WDHD1: variants seen among roughly 807,000 people sequenced by gnomAD.
WDHD1 encodes the protein WD repeat and HMG-box DNA-binding protein 1.
WDHD1 carries 111 observed loss-of-function variants against 135.4 expected under a neutral mutation model. The ratio of observed to expected loss-of-function variants is 0.82; its 90% CI spans 0.70 to 0.96. WDHD1 has a LOEUF of 0.96. Among genes scored for constraint, WDHD1 ranks in the 40% least tolerant of loss-of-function variants. The probability of loss-of-function intolerance (pLI) is 0.00; values close to 1 mark genes in which losing one functional copy is unlikely to be tolerated. For missense variants in WDHD1, 1,351 were observed against 1,336.3 expected (o/e 1.01, Z -0.17); for synonymous variants, 434 against 439.0 (o/e 0.99, Z 0.14).
Position 54,948,898 on chromosome 14 carries a change from A to G in WDHD1, c.3051-4428T>C, listed in dbSNP as rs184513629. ...CTGCTGATACCCAGGCAGAGTCTGG[A>G]GTGGGCCTCCAGCAAACTCCAACAG... On this transcript the variant is annotated intron_variant, in intron 24 of 25. Transcript: ENST00000360586. Among the ~76,000 whole-genome samples, 310 of 152,294 alleles carry G rather than the reference A, an allele frequency of 2.0e-3. 1 individual carries two copies. The highest frequency in any genetic ancestry group is 2.7e-3 in the Admixed American group (42 of 15,304).
At chr14:54,997,911 CA>C (rs769506329) in intron 10 of WDHD1, among the ~76,000 whole-genome samples, 122 of 104,174 alleles carry the variant, frequency 1.2e-3, no homozygotes, top group Admixed American at 9.9e-4. Context: ...AACTCCGTCT[CA>C]AAAAAAAAAA....
intron 15 of WDHD1, among the ~76,000 whole-genome samples, chr14:54,983,752 C>T (rs2041655009): frequency 1.3e-5 from 2 of 151,820 alleles, no homozygotes; most frequent in Non-Finnish European, 2.9e-5. Context: ...CTCCTGGGCT[C>T]AAGTGATCCT....
intron 24 of WDHD1, among the ~76,000 whole-genome samples, chr14:54,948,192 C>T (rs8019149): frequency 0.039 from 5,955 of 152,122 alleles, 402 homozygotes; most frequent in African/African-American, 0.14. Context: ...TAGGGCTTGT[C>T]GGACAGTGGG....
In WDHD1 at chr14:54,940,891, T is replaced by C. The variant is rs1362587655; in HGVS notation, c.*599A>G. 1 of 152,130 alleles carries C rather than the reference T, an allele frequency of 6.6e-6. No homozygotes were observed. The allele number at this position is 152,130 out of a possible 1,614,324, so 9.4% of individuals were successfully genotyped here. A position where few individuals can be genotyped will look rare whatever the true frequency, so the allele number is the denominator to read the frequency against. On this transcript the variant is annotated 3_prime_UTR_variant, in exon 26 of 26. Transcript: ENST00000360586. ...TATTAAGACCATATCAAGCCAAATA[T>C]ACAAATGAGAAAGTTTCATTTACCT...
At chr14:55,000,458 C>T in intron 10 of WDHD1, 45 bp downstream of exon 10, 1 of 1,520,166 alleles carries the variant, frequency 6.6e-7, no homozygotes, top group African/African-American at 1.4e-5. Context: ...TCCATATGAT[C>T]ACAGAAACAT....
At chr14:54,988,827 G>A (rs186346966) in intron 13 of WDHD1, among the ~76,000 whole-genome samples, 203 of 151,802 alleles carry the variant, frequency 1.3e-3, no homozygotes, top group Non-Finnish European at 3.4e-4. Flanking sequence ...TGTAGTTAGA[G>A]CATGTAATGA....
At chr14:55,003,531 A>G (rs2042011106) in intron 7 of WDHD1, among the ~76,000 whole-genome samples, 1 of 151,466 alleles carries the variant, frequency 6.6e-6, no homozygotes, top group South Asian at 2.1e-4. Flanking sequence ...AAGGAAAGAA[A>G]AAATAATTTT....
At chr14:54,975,784 G>A (rs75673309) in intron 16 of WDHD1, among the ~76,000 whole-genome samples, 3,353 of 152,046 alleles carry the variant, frequency 0.022, 106 homozygotes, top group East Asian at 0.16. Flanking sequence ...TCCTGCCCCT[G>A]TCTTTTAAGT....
chr14:54,948,709 C>A lies in WDHD1; in HGVS notation c.3051-4239G>T, dbSNP rs149863963. On this transcript the variant is annotated intron_variant, in intron 24 of 25. Coordinates refer to ENST00000360586, the MANE Select transcript of WDHD1 (RefSeq NM_007086.4). ...AATGGACAGACTGCCTCCTCAGTGA[C>A]AGGTGGGTCCATGATCCACAAGTAG... Among the ~76,000 whole-genome samples, 79 of 152,308 alleles carry A rather than the reference C, an allele frequency of 5.2e-4. 2 individuals are homozygous for A. The East Asian group carries it at 0.015, about 29-fold the overall frequency.
At chr14:55,024,879 G>A (rs1438283246) in intron 2 of WDHD1, among the ~76,000 whole-genome samples, 1 of 104,926 alleles carries the variant, frequency 9.5e-6, no homozygotes, top group Non-Finnish European at 2.2e-5. Context: ...GGAAAGCCAG[G>A]TATTGTCCAA....
chr14:54,973,875 G>A (rs1349387815), intron 16 of WDHD1, among the ~76,000 whole-genome samples: 1 of 152,066 alleles, frequency 6.6e-6, no homozygotes, highest in Admixed American at 6.6e-5. Context: ...TACTTTCTAA[G>A]CCACATTTAC....
At chr14:54,942,448 C>T (rs977302330) in intron 25 of WDHD1, among the ~76,000 whole-genome samples, 3 of 151,980 alleles carry the variant, frequency 2.0e-5, no homozygotes, top group Non-Finnish European at 4.4e-5. Flanking sequence ...TGAAACAATC[C>T]CATTTTACTT....
chr14:55,012,875 G>T (rs2042193992), intron 3 of WDHD1, among the ~76,000 whole-genome samples: 1 of 152,102 alleles, frequency 6.6e-6, no homozygotes, highest in African/African-American at 2.4e-5. Flanking sequence ...CCACTGTTAT[G>T]TTGGGGATTA....
chr14:55,008,804 T>A, intron 4 of WDHD1, 85 bp from the exon 5 acceptor site: 1 of 1,076,798 alleles, frequency 9.3e-7, no homozygotes, highest in Non-Finnish European at 1.3e-6. Flanking sequence ...TTTCTTTTTT[T>A]TTTTTTTTCT....
intron 23 of WDHD1, 139 bp from the exon 24 acceptor site, chr14:54,955,833 T>C: frequency 1.2e-6 from 1 of 809,900 alleles, no homozygotes; most frequent in Non-Finnish European, 1.7e-6. Context: ...GAGTTCTCAG[T>C]TGTAAATAAA....
intron 16 of WDHD1, among the ~76,000 whole-genome samples, chr14:54,976,228 ATTTC>A (rs138009284): frequency 0.032 from 4,847 of 152,104 alleles, 247 homozygotes; most frequent in African/African-American, 0.11. Flanking sequence ...ATGAAGATGA[ATTTC>A]TTTATTTCCT....
intron 16 of WDHD1, among the ~76,000 whole-genome samples, chr14:54,971,448 G>A (rs1266943246): frequency 1.3e-5 from 2 of 152,106 alleles, no homozygotes; most frequent in Admixed American, 6.5e-5. Context: ...GTGGTGGCAT[G>A]TGCCTGTAGT....
At chr14:54,991,763 C>CT (rs1595100175) in intron 11 of WDHD1, among the ~76,000 whole-genome samples, 1 of 151,980 alleles carries the variant, frequency 6.6e-6, no homozygotes, top group East Asian at 1.9e-4. Context: ...AAAAAAAGCA[C>CT]TTATGCAATT....
chr14:54,955,990 C>G (rs961634524), intron 23 of WDHD1, among the ~76,000 whole-genome samples: 1 of 150,820 alleles, frequency 6.6e-6, no homozygotes, highest in Admixed American at 6.6e-5. Context: ...CTCCACCCTC[C>G]GAGTTCAAGT....
Sources: gnomAD v4.1 joint callset for allele counts (sites outside exome capture counted in the v4.1 genomes callset) on GRCh38, gnomAD v4.1.1 for gene constraint, MANE v1.5 for transcripts, NCBI Gene and HGNC (gene_info 2026-07-23, HGNC 2026-07-21) for gene names.